Variants in ADAMTS16 observed in about 807,000 individuals in gnomAD.
ADAMTS16 encodes A disintegrin and metalloproteinase with thrombospondin motifs 16.
In ADAMTS16, 94 loss-of-function variants were observed where a neutral mutation model predicts 145.8. The ratio of observed to expected loss-of-function variants is 0.64; its 90% CI spans 0.55 to 0.77. The LOEUF is 0.77. Ranked by LOEUF, ADAMTS16 falls within the 30% of genes least tolerant of loss-of-function variation. ADAMTS16 has a pLI of 0.00. For synonymous variants in ADAMTS16, 659 were observed against 604.3 expected, an observed-to-expected ratio of 1.09 and a Z score of -1.33; for missense variants, 1,585 against 1,591.5, an observed-to-expected ratio of 1.00 and a Z score of 0.07.
chr5:5,156,579 C>A (rs1305855837), intron 3 of ADAMTS16, among the ~76,000 whole-genome samples: 1 of 152,196 alleles, frequency 6.6e-6, no homozygotes, highest in Admixed American at 6.5e-5. Flanking sequence ...ACAATGTGTC[C>A]GGACATTCCT....
intron 4 of ADAMTS16, among the ~76,000 whole-genome samples, chr5:5,184,054 T>C (rs1735423022): frequency 1.3e-5 from 2 of 152,314 alleles, no homozygotes; most frequent in South Asian, 2.1e-4. Context: ...ACTACACTCC[T>C]GGGCCTCGAG....
chr5:5,230,503 T>A (rs768530628), intron 11 of ADAMTS16, among the ~76,000 whole-genome samples: 3 of 152,030 alleles, frequency 2.0e-5, no homozygotes, highest in Non-Finnish European at 4.4e-5. Context: ...AGTCTGGGAG[T>A]CAGTGTTGGG....
Position 5,303,561 on chromosome 5 carries a change from G to C in ADAMTS16, c.2992-11G>C. The C allele has an allele frequency of 6.2e-6, 10 of 1,613,824 alleles. No homozygotes were observed. The highest frequency in any genetic ancestry group is 7.6e-6 in the Non-Finnish European group (9 of 1,179,812). ...CCCTCACTGGGTGCTTATCCTGACT[G>C]TTCTGTGCAGTGCTCACACACCTGT... On this transcript the variant is annotated splice_polypyrimidine_tract_variant and intron_variant, in intron 19 of 22. Transcript: ENST00000274181.
intron 9 of ADAMTS16, among the ~76,000 whole-genome samples, chr5:5,200,740 C>T (rs1369948616): frequency 1.3e-5 from 2 of 148,624 alleles, no homozygotes; most frequent in Non-Finnish European, 3.0e-5. Flanking sequence ...CACTTTCTTT[C>T]TTTTTACTAA....
intron 18 of ADAMTS16, among the ~76,000 whole-genome samples, chr5:5,281,762 G>A (rs1342630456): frequency 6.6e-6 from 1 of 152,144 alleles, no homozygotes; most frequent in Non-Finnish European, 1.5e-5. Flanking sequence ...CCTATTGGGT[G>A]GTTTATAGGC....
At chr5:5,280,036 A>AT (rs1013135896) in intron 18 of ADAMTS16, among the ~76,000 whole-genome samples, 10 of 121,848 alleles carry the variant, frequency 8.2e-5, no homozygotes, top group Non-Finnish European at 1.6e-4. Flanking sequence ...TCTGTAAAGT[A>AT]TTTTTATCTG....
chr5:5,206,748 CTG>C (rs1372119093), intron 9 of ADAMTS16, among the ~76,000 whole-genome samples: 4 of 152,118 alleles, frequency 2.6e-5, no homozygotes, highest in African/African-American at 9.7e-5. Context: ...TCCCTAAGTG[CTG>C]GGATTACAGG....
intron 14 of ADAMTS16, 124 bp downstream of exon 14, chr5:5,237,223 G>C (rs1161469081): frequency 9.9e-7 from 1 of 1,005,912 alleles, no homozygotes; most frequent in Non-Finnish European, 1.4e-6. Flanking sequence ...TTGCAGCCCA[G>C]TGGGGAGAAA....
intron 21 of ADAMTS16, among the ~76,000 whole-genome samples, chr5:5,309,874 G>T (rs1379592792): frequency 1.3e-5 from 2 of 151,656 alleles, no homozygotes; most frequent in African/African-American, 4.9e-5. Context: ...TCAGAAGAGG[G>T]AGAGGCGCTG....
At chr5:5,146,548 GTTC>G in intron 3 of ADAMTS16, 93 bp downstream of exon 3, 1 of 1,302,192 alleles carries the variant, frequency 7.7e-7, no homozygotes, top group Non-Finnish European at 1.1e-6. Flanking sequence ...TCGCATAGAT[GTTC>G]TTCTAGTACT....
At chr5:5,253,628 C>A (rs2126413733) in intron 17 of ADAMTS16, among the ~76,000 whole-genome samples, 1 of 152,290 alleles carries the variant, frequency 6.6e-6, no homozygotes, top group South Asian at 2.1e-4. Context: ...ATCAATGCAA[C>A]CCGCACTTCC....
intron 17 of ADAMTS16, among the ~76,000 whole-genome samples, chr5:5,250,931 C>T (rs1737604733): frequency 6.6e-6 from 1 of 152,020 alleles, no homozygotes; most frequent in South Asian, 2.1e-4. Flanking sequence ...ATTCAGAGTC[C>T]TCGGGGCAGT....
chr5:5,154,406 T>C (rs1250677574), intron 3 of ADAMTS16, among the ~76,000 whole-genome samples: 1 of 152,204 alleles, frequency 6.6e-6, no homozygotes, highest in Non-Finnish European at 1.5e-5. Context: ...AATATAATAG[T>C]GCAATTTGGA....
intron 20 of ADAMTS16, among the ~76,000 whole-genome samples, chr5:5,305,300 AC>A (rs1346159590): frequency 1.0e-5 from 1 of 97,768 alleles, no homozygotes; most frequent in Non-Finnish European, 2.0e-5. Flanking sequence ...CACCACACAC[AC>A]ACACATCCCA....
chr5:5,227,164 C>T (rs911919701), intron 11 of ADAMTS16, among the ~76,000 whole-genome samples: 3 of 152,254 alleles, frequency 2.0e-5, no homozygotes, highest in Admixed American at 2.0e-4. Flanking sequence ...TCACGCAGCT[C>T]GCAGAGCAGA....
At chr5:5,236,683 T>C (rs1737117502) in intron 13 of ADAMTS16, among the ~76,000 whole-genome samples, 1 of 152,176 alleles carries the variant, frequency 6.6e-6, no homozygotes, top group African/African-American at 2.4e-5. Flanking sequence ...ATTAATGTTG[T>C]AGCCAACAAA....
At chr5:5,236,774 A>G (rs562558363) in intron 13 of ADAMTS16, among the ~76,000 whole-genome samples, 195 bp from the exon 14 acceptor site, 1 of 131,680 alleles carries the variant, frequency 7.6e-6, no homozygotes, top group Non-Finnish European at 1.6e-5. Flanking sequence ...AAAATTTAAC[A>G]TTGAAGCAAT....
chr5:5,280,085 T>C (rs1738846531), intron 18 of ADAMTS16, among the ~76,000 whole-genome samples: 2 of 152,112 alleles, frequency 1.3e-5, no homozygotes, highest in Non-Finnish European at 2.9e-5. Flanking sequence ...AGTGTCTGAG[T>C]GGTAGATTTT....
Position 5,317,644 on chromosome 5 carries a change from C to T in ADAMTS16, c.3412-490C>T, listed in dbSNP as rs943437378. 1.2e-4 allele frequency among the ~76,000 whole-genome samples: 18 copies of T among 152,158 alleles called. No homozygotes were observed. The East Asian group carries it at 2.9e-3, about 25-fold the overall frequency. On this transcript the variant is annotated intron_variant, in intron 21 of 22. Coordinates refer to ENST00000274181, the MANE Select transcript of ADAMTS16 (RefSeq NM_139056.4). The surrounding 1 kb of genome is among the most constrained non-coding windows in gnomAD (Gnocchi z 4.5). ...AACTCCTGACCTCAGGTGATCCACC[C>T]GCCTCAGCCTCCCAAAGTGCTGGGA... is the stretch of plus-strand genomic sequence containing the variant.
Sources: gnomAD v4.1 joint callset for allele counts (sites outside exome capture counted in the v4.1 genomes callset) on GRCh38, gnomAD v4.1.1 for gene constraint, Gnocchi (gnomAD v3.1) non-coding constraint, MANE v1.5 for transcripts, NCBI Gene and HGNC (gene_info 2026-07-23, HGNC 2026-07-21) for gene names.